AGBL3: variants seen among roughly 807,000 people sequenced by gnomAD.
The protein encoded by AGBL3 is AGBL carboxypeptidase 3.
In AGBL3, 68 loss-of-function variants were observed where a neutral mutation model predicts 94.5. That is an observed-to-expected ratio of 0.72 (90% CI 0.59 to 0.88). The LOEUF is 0.88. AGBL3 is among the 40% of genes least tolerant of loss of function. The pLI, the probability that AGBL3 is intolerant of heterozygous loss-of-function variation, is 0.00. For synonymous variants in AGBL3, 354 were observed against 370.7 expected, an observed-to-expected ratio of 0.95 and a Z score of 0.52; for missense variants, 934 against 1,103.8, an observed-to-expected ratio of 0.85 and a Z score of 2.18.
intron 15 of AGBL3, among the ~76,000 whole-genome samples, chr7:135,113,219 TTATC>T (rs1263021778): frequency 6.6e-6 from 1 of 152,294 alleles, no homozygotes; most frequent in East Asian, 1.9e-4. Flanking sequence ...TGTGCTTTAT[TTATC>T]TTTTTATTTT....
chr7:135,096,414 G>GGAAA (rs59684349), intron 15 of AGBL3, among the ~76,000 whole-genome samples: 64,281 of 146,902 alleles, frequency 0.44, 14,681 homozygotes, highest in East Asian at 0.77. Context: ...GAGGAAGGAA[G>GGAAA]GAAAGAAAGA....
chr7:135,131,804 AC>A (rs1279011217), intron 16 of AGBL3, among the ~76,000 whole-genome samples: 13 of 152,108 alleles, frequency 8.5e-5, no homozygotes, highest in Non-Finnish European at 1.9e-4. Context: ...TTCTATTAAT[AC>A]TGACAAATAA....
chr7:135,115,994 A>G (rs1455243951), intron 16 of AGBL3: 2 of 156,760 alleles, frequency 1.3e-5, no homozygotes, highest in African/African-American at 4.8e-5. Context: ...CTGAGATGAA[A>G]GCAGAAAGAG....
chr7:134,989,375 G>A (rs922095094), intron 3 of AGBL3, 65 bp downstream of exon 3: 25 of 1,151,726 alleles, frequency 2.2e-5, no homozygotes, highest in Non-Finnish European at 3.0e-5. Flanking sequence ...AAGAAGATGA[G>A]GAAACTAAAA....
chr7:135,064,914 G>T (rs146090910), intron 12 of AGBL3, among the ~76,000 whole-genome samples: 2 of 152,240 alleles, frequency 1.3e-5, no homozygotes, highest in African/African-American at 4.8e-5. Context: ...GCTTAAATGA[G>T]GGGCTCAGAT....
At chr7:135,118,639 G>A (rs1826662582) in intron 16 of AGBL3, among the ~76,000 whole-genome samples, 1 of 152,116 alleles carries the variant, frequency 6.6e-6, no homozygotes, top group African/African-American at 2.4e-5. Flanking sequence ...CTTGTACCAA[G>A]AACCAGGAAG....
At chr7:134,988,633 ATTT>A (rs906931665) in intron 2 of AGBL3, among the ~76,000 whole-genome samples, 1 of 146,384 alleles carries the variant, frequency 6.8e-6, no homozygotes, top group African/African-American at 2.5e-5. Flanking sequence ...TGTTAATTTA[ATTT>A]TTTTTTTTTT....
chr7:135,127,710 C>T (rs894524156), intron 16 of AGBL3, among the ~76,000 whole-genome samples: 3 of 152,128 alleles, frequency 2.0e-5, no homozygotes, highest in Non-Finnish European at 2.9e-5. Flanking sequence ...AATAAGAATG[C>T]TTTTACTCTG....
chr7:135,036,895 G>A (rs1816363894), intron 7 of AGBL3, among the ~76,000 whole-genome samples: 1 of 150,752 alleles, frequency 6.6e-6, no homozygotes, highest in Non-Finnish European at 1.5e-5. Context: ...GGTAAATTTT[G>A]TCCTTATAAT....
At chr7:135,098,109 T>C (rs578079747) in intron 15 of AGBL3, among the ~76,000 whole-genome samples, 22 of 152,246 alleles carry the variant, frequency 1.4e-4, no homozygotes, top group Non-Finnish European at 2.2e-4. Context: ...TCTACCAAAA[T>C]AGGTCTACAG....
chr7:135,101,575 G>A (rs1174099602), intron 15 of AGBL3, among the ~76,000 whole-genome samples: 2 of 152,012 alleles, frequency 1.3e-5, no homozygotes, highest in Non-Finnish European at 2.9e-5. Context: ...CACCCGCCAA[G>A]AAAATAAAAA....
At chr7:135,112,327 T>G (rs1163054214) in intron 15 of AGBL3, among the ~76,000 whole-genome samples, 2 of 151,672 alleles carry the variant, frequency 1.3e-5, no homozygotes, top group East Asian at 3.8e-4. Flanking sequence ...AATGTCCCCC[T>G]GTTTCATTCA....
intron 16 of AGBL3, chr7:135,128,926 G>C: frequency 6.5e-7 from 1 of 1,532,766 alleles, no homozygotes; most frequent in Non-Finnish European, 9.0e-7. Context: ...TTGTTCCTGT[G>C]CAATATCTGT....
chr7:135,003,894 T>C (rs1812050505), intron 4 of AGBL3, among the ~76,000 whole-genome samples: 1 of 151,480 alleles, frequency 6.6e-6, no homozygotes, highest in African/African-American at 2.4e-5. Flanking sequence ...TTATCCTGTA[T>C]TAATGTAATT....
intron 11 of AGBL3, among the ~76,000 whole-genome samples, chr7:135,055,728 T>C (rs1040361647): frequency 6.6e-6 from 1 of 152,192 alleles, no homozygotes; most frequent in Non-Finnish European, 1.5e-5. Flanking sequence ...TTTTCTTTCT[T>C]ACAGTATCTT....
chr7:135,084,207 TTTA>T (rs1393007735), intron 15 of AGBL3, among the ~76,000 whole-genome samples: 1 of 152,162 alleles, frequency 6.6e-6, no homozygotes, highest in Non-Finnish European at 1.5e-5. Flanking sequence ...ATTTTTTCCT[TTTA>T]TTATTATTTT....
intron 12 of AGBL3, among the ~76,000 whole-genome samples, chr7:135,072,171 C>G (rs1046018084): frequency 5.9e-5 from 9 of 152,198 alleles, no homozygotes; most frequent in Non-Finnish European, 1.3e-4. Context: ...AAATGCTCAT[C>G]ATCACTGGCC....
At chr7:135,096,480 C>A (rs575223080) in intron 15 of AGBL3, among the ~76,000 whole-genome samples, 1 of 147,350 alleles carries the variant, frequency 6.8e-6, no homozygotes, top group Admixed American at 6.8e-5. Context: ...ACATATACAA[C>A]TAGGAAGATA....
chr7:135,052,628 T>C (rs1817980659), intron 11 of AGBL3, among the ~76,000 whole-genome samples: 1 of 152,060 alleles, frequency 6.6e-6, no homozygotes. Context: ...TTTACATCCA[T>C]GTGTACCCTT....
Sources: gnomAD v4.1 joint callset for allele counts (sites outside exome capture counted in the v4.1 genomes callset) on GRCh38, gnomAD v4.1.1 for gene constraint, MANE v1.5 for transcripts, NCBI Gene and HGNC (gene_info 2026-07-23, HGNC 2026-07-21) for gene names.